The following ERP44 variants were observed in gnomAD, a reference collection of about 807,000 sequenced individuals.
ERP44 encodes endoplasmic reticulum resident protein 44.
Under a neutral mutation model 53.4 loss-of-function variants are expected in ERP44, and 25 were observed. That is an observed-to-expected ratio of 0.47 (90% confidence interval 0.34 to 0.65). ERP44 has a LOEUF of 0.65. Among genes scored for constraint, ERP44 ranks in the 30% least tolerant of loss-of-function variants. The pLI, the probability that ERP44 is intolerant of heterozygous loss-of-function variation, is 0.01. For synonymous variants in ERP44, 145 were observed against 161.2 expected (o/e 0.90, Z 0.76); for missense variants, 338 against 493.2 (o/e 0.69, Z 2.98).
At chr9:100,035,215 C>T (rs1196951709) in intron 4 of ERP44, among the ~76,000 whole-genome samples, 1 of 152,086 alleles carries the variant, frequency 6.6e-6, no homozygotes, top group African/African-American at 2.4e-5. Flanking sequence ...AAAACAAAAA[C>T]TGGTAAGTGG....
intron 10 of ERP44, among the ~76,000 whole-genome samples, chr9:99,992,037 C>A (rs556325627): frequency 1.3e-5 from 2 of 152,118 alleles, no homozygotes; most frequent in African/African-American, 2.4e-5. Context: ...AGGCTACCAA[C>A]CAAAAAAAGT....
intron 4 of ERP44, among the ~76,000 whole-genome samples, chr9:100,047,205 C>A (rs1264529949): frequency 6.6e-6 from 1 of 152,134 alleles, no homozygotes; most frequent in Non-Finnish European, 1.5e-5. Flanking sequence ...TTCTTAGATA[C>A]AACATCAAAA....
chr9:100,046,535 A>C (rs535211748), intron 4 of ERP44, among the ~76,000 whole-genome samples: 1 of 152,198 alleles, frequency 6.6e-6, no homozygotes, highest in Non-Finnish European at 1.5e-5. Context: ...CAAAAAAATA[A>C]GAAATACTTA....
At chr9:100,014,166 T>G (rs1830505537) in intron 8 of ERP44, among the ~76,000 whole-genome samples, 1 of 152,214 alleles carries the variant, frequency 6.6e-6, no homozygotes, top group Non-Finnish European at 1.5e-5. Flanking sequence ...GGTTTGGAAA[T>G]ACTTTATTTC....
At chr9:100,053,329 C>G (rs1331652182) in intron 3 of ERP44, among the ~76,000 whole-genome samples, 1 of 152,128 alleles carries the variant, frequency 6.6e-6, no homozygotes, top group Non-Finnish European at 1.5e-5. Flanking sequence ...TTACTTTAAA[C>G]ACAAGGCACA....
rs1269989591 is a variant in ERP44 at position 99,980,139 on chromosome 9, A to G, written c.*2473T>C. 4 of 398,106 alleles carry G rather than the reference A, an allele frequency of 1.0e-5. No individual in the cohort carries two copies. The highest frequency in any genetic ancestry group is 2.1e-5 in the African/African-American group (1 of 48,594). 24.7% of individuals were successfully genotyped at this position (398,106 alleles called of 1,614,324 possible). A position where few individuals can be genotyped will look rare whatever the true frequency, so the allele number is the denominator to read the frequency against. ...CTCAAAATAAAAATAATGTCCTCAA[A>G]TCTCTGCAATTGAGTGCTCCTTTAT... On this transcript the variant is annotated 3_prime_UTR_variant, in exon 12 of 12. Coordinates refer to ENST00000262455, the MANE Select transcript of ERP44 (RefSeq NM_015051.3).
intron 1 of ERP44, among the ~76,000 whole-genome samples, chr9:100,091,003 G>A (rs1826548974): frequency 6.6e-6 from 1 of 151,998 alleles, no homozygotes; most frequent in South Asian, 2.1e-4. Flanking sequence ...CTATAATAAG[G>A]AAGAAATGGA....
chr9:100,064,540 T>G (rs1314385930), intron 1 of ERP44, among the ~76,000 whole-genome samples: 1 of 152,206 alleles, frequency 6.6e-6, no homozygotes, highest in Admixed American at 6.5e-5. Flanking sequence ...AGAAGGAATC[T>G]CACAAAGGAT....
At chr9:100,068,089 C>G in intron 1 of ERP44, among the ~76,000 whole-genome samples, 1 of 143,626 alleles carries the variant, frequency 7.0e-6, no homozygotes, top group Admixed American at 6.7e-5. Context: ...GGGGAGTCAG[C>G]CCCCCGCCCG....
At chr9:99,993,589 G>A (rs964957303) in intron 10 of ERP44, among the ~76,000 whole-genome samples, 1 of 152,278 alleles carries the variant, frequency 6.6e-6, no homozygotes, top group East Asian at 1.9e-4. Context: ...TACCATTCAG[G>A]ACATAGGCAT....
chr9:100,016,229 C>A (rs1252690918), intron 8 of ERP44, 93 bp downstream of exon 8: 5 of 1,490,388 alleles, frequency 3.4e-6, no homozygotes, highest in Non-Finnish European at 4.5e-6. Context: ...TCTTACAATT[C>A]ATAACTCTGT....
intron 10 of ERP44, among the ~76,000 whole-genome samples, chr9:100,002,131 A>AT (rs1389115158): frequency 4.6e-3 from 3 of 652 alleles, no homozygotes; most frequent in Non-Finnish European, 6.8e-3. Flanking sequence ...CTTTATTCAC[A>AT]TAAAAAAAAA....
chr9:100,031,450 T>G (rs879663411), intron 4 of ERP44, among the ~76,000 whole-genome samples: 3 of 152,244 alleles, frequency 2.0e-5, no homozygotes, highest in Admixed American at 6.5e-5. Flanking sequence ...AGGCTTTGTC[T>G]TTTCACAATG....
chr9:100,007,028 G>A (rs1036380154), intron 9 of ERP44, among the ~76,000 whole-genome samples: 3 of 152,190 alleles, frequency 2.0e-5, no homozygotes, highest in Non-Finnish European at 4.4e-5. Flanking sequence ...CATACTGGTT[G>A]ATTTTTAGTC....
chr9:100,093,560 C>T (rs943778785), intron 1 of ERP44, among the ~76,000 whole-genome samples: 2 of 152,158 alleles, frequency 1.3e-5, no homozygotes, highest in South Asian at 2.1e-4. Flanking sequence ...GGGAGCATCA[C>T]GTGACCTGGG....
At chr9:99,999,022 C>T (rs1437120528) in intron 10 of ERP44, 9 of 948,256 alleles carry the variant, frequency 9.5e-6, no homozygotes, top group East Asian at 7.5e-5. Flanking sequence ...GGGCAGCGGG[C>T]GCAGCTGCTC....
chr9:100,067,155 C>T (rs987444605), intron 1 of ERP44, among the ~76,000 whole-genome samples: 1 of 149,200 alleles, frequency 6.7e-6, no homozygotes, highest in African/African-American at 2.5e-5. Context: ...CTCTCGCTCT[C>T]GCTCTCCCTC....
At chr9:100,058,218 G>T (rs1014785213) in intron 2 of ERP44, among the ~76,000 whole-genome samples, 2 of 152,054 alleles carry the variant, frequency 1.3e-5, no homozygotes, top group African/African-American at 4.8e-5. Context: ...TAGGACTACA[G>T]GCAAACACCA....
At chr9:100,023,138 A>G (rs570369100) in intron 4 of ERP44, among the ~76,000 whole-genome samples, 12 of 152,258 alleles carry the variant, frequency 7.9e-5, no homozygotes, top group African/African-American at 2.6e-4. Context: ...TGCATAATAG[A>G]TACATATCAA....
Sources: gnomAD v4.1 joint callset for allele counts (sites outside exome capture counted in the v4.1 genomes callset) on GRCh38, gnomAD v4.1.1 for gene constraint, MANE v1.5 for transcripts, NCBI Gene and HGNC (gene_info 2026-07-23, HGNC 2026-07-21) for gene names.